The following NAV2 variants were observed in gnomAD, a reference collection of about 807,000 sequenced individuals.
The protein encoded by NAV2 is neuron navigator 2.
Under a neutral mutation model 223.2 loss-of-function variants are expected in NAV2, and 54 were observed. That is an observed-to-expected ratio of 0.24 (90% CI 0.19 to 0.30). NAV2 has a LOEUF of 0.30. Ranked by LOEUF, NAV2 falls within the 10% of genes least tolerant of loss-of-function variation. NAV2 has a pLI of 1.00. For synonymous variants in NAV2, 1,279 were observed against 1,239.3 expected (o/e 1.03, Z -0.67); for missense variants, 2,806 against 3,147.5 (o/e 0.89, Z 2.60).
intron 11 of NAV2, among the ~76,000 whole-genome samples, chr11:20,001,102 G>A (rs1023113526): frequency 2.0e-5 from 3 of 152,032 alleles, no homozygotes; most frequent in Admixed American, 6.6e-5. Flanking sequence ...CATCTAAGCC[G>A]GCTGCACCAA....
At chr11:20,102,143 C>T (rs1329736617) in intron 32 of NAV2, among the ~76,000 whole-genome samples, 1 of 152,120 alleles carries the variant, frequency 6.6e-6, no homozygotes, top group Non-Finnish European at 1.5e-5. Context: ...GGGAACTTCT[C>T]CTGGGACCAG....
chr11:19,841,115 G>A (rs2152938870), intron 2 of NAV2, among the ~76,000 whole-genome samples: 1 of 152,230 alleles, frequency 6.6e-6, no homozygotes, highest in South Asian at 2.1e-4. Flanking sequence ...TTGAGAAAAT[G>A]CAATTAGATC....
chr11:20,099,910 C>T (rs1484172973), intron 31 of NAV2, among the ~76,000 whole-genome samples: 11 of 152,136 alleles, frequency 7.2e-5, no homozygotes, highest in Admixed American at 3.3e-4. Context: ...GTGTACACTA[C>T]ATCAAGCTCA....
intron 1 of NAV2, among the ~76,000 whole-genome samples, chr11:19,716,273 A>G (rs186161043): frequency 1.3e-5 from 2 of 152,284 alleles, no homozygotes; most frequent in East Asian, 3.9e-4. Flanking sequence ...ATAGCTTTTA[A>G]AGTCAGATGG....
chr11:19,434,399 T>A (rs1851141170), intron 1 of NAV2, among the ~76,000 whole-genome samples: 1 of 152,158 alleles, frequency 6.6e-6, no homozygotes, highest in Non-Finnish European at 1.5e-5. Context: ...AATTCATATG[T>A]CAGAATGGCC....
At chr11:19,602,982 A>G (rs952760748) in intron 1 of NAV2, among the ~76,000 whole-genome samples, 10 of 152,124 alleles carry the variant, frequency 6.6e-5, no homozygotes, top group Admixed American at 2.0e-4. Flanking sequence ...AGGGCATTCT[A>G]AGTTGAGGGA....
chr11:19,384,873 T>C (rs1352210068), intron 1 of NAV2: 1 of 152,200 alleles, frequency 6.6e-6, no homozygotes, highest in African/African-American at 2.4e-5. Flanking sequence ...GTCTCCAACT[T>C]GTAAAAAATG....
intron 34 of NAV2, 144 bp from the exon 35 acceptor site, chr11:20,105,387 T>C: frequency 1.6e-6 from 1 of 632,676 alleles, no homozygotes. Flanking sequence ...AGTTACAATG[T>C]TTAGAAGAGT....
At chr11:19,416,429 C>T (rs981845751) in intron 1 of NAV2, among the ~76,000 whole-genome samples, 1 of 152,138 alleles carries the variant, frequency 6.6e-6, no homozygotes, top group Non-Finnish European at 1.5e-5. Flanking sequence ...CAAAGCACTG[C>T]TCAAGGAAAT....
chr11:19,836,649 G>A (rs192303096), intron 2 of NAV2, among the ~76,000 whole-genome samples: 360 of 151,984 alleles, frequency 2.4e-3, no homozygotes, highest in African/African-American at 8.3e-3. Flanking sequence ...TACTTCCTGT[G>A]ATGGGCAGCT....
chr11:19,471,776 C>T (rs577782788), intron 1 of NAV2, among the ~76,000 whole-genome samples: 93 of 152,274 alleles, frequency 6.1e-4, no homozygotes, highest in African/African-American at 2.0e-3. Context: ...AGTGGAGCTG[C>T]GGGCCCTACT....
intron 1 of NAV2, among the ~76,000 whole-genome samples, chr11:19,478,268 G>A (rs1564969519): frequency 6.6e-6 from 1 of 151,990 alleles, no homozygotes; most frequent in Non-Finnish European, 1.5e-5. Flanking sequence ...AATTGCACAA[G>A]CAAAGCTCTA....
At chr11:19,959,132 T>C (rs1049657649) in intron 10 of NAV2, among the ~76,000 whole-genome samples, 3 of 152,166 alleles carry the variant, frequency 2.0e-5, no homozygotes, top group Admixed American at 2.0e-4. Flanking sequence ...TTCCTAGCTT[T>C]CCCTCTTGCA....
At chr11:19,705,524 A>G (rs1335462151) in intron 1 of NAV2, among the ~76,000 whole-genome samples, 2 of 152,194 alleles carry the variant, frequency 1.3e-5, no homozygotes, top group Non-Finnish European at 2.9e-5. Flanking sequence ...CTGAATGAGG[A>G]GCAAGGGTGA....
At position 20,036,029 on chromosome 11, in the gene NAV2, A is replaced by G; in HGVS notation, c.2839A>G (p.Asn947Asp). The G allele has an allele frequency of 6.2e-7, 1 of 1,614,134 alleles. No individual in the cohort carries two copies. The highest frequency in any genetic ancestry group is 8.5e-7 in the Non-Finnish European group (1 of 1,180,008). The change falls in exon 12 of 38, where the codon AAC (asparagine) becomes GAC (aspartate). Residue 947 changes from asparagine (N) to aspartate (D), a missense_variant. By Grantham distance (23) the Asn-to-Asp change is conservative. Transcript: ENST00000349880. ...AGACAACCTCAGCACTGATGACATC[A>G]ACACCAGCTCCTCCATCAGCTCTTA... ...TIDNLSTDDINTSSSISSYAN... is the reference protein window; with the variant it reads ...TIDNLSTDDIDTSSSISSYAN...
chr11:19,725,200 TGG>T (rs2051136541), intron 1 of NAV2, among the ~76,000 whole-genome samples: 1 of 152,232 alleles, frequency 6.6e-6, no homozygotes, highest in Admixed American at 6.5e-5. Flanking sequence ...ACAGATGAGC[TGG>T]GGCAGGTAAA....
intron 1 of NAV2, among the ~76,000 whole-genome samples, chr11:19,578,830 T>TA (rs1269902275): frequency 6.6e-6 from 1 of 152,140 alleles, no homozygotes; most frequent in East Asian, 1.9e-4. Context: ...GCCTAAAATA[T>TA]CTACCCTCTG....
chr11:19,360,312 A>C (rs1018605106), intron 1 of NAV2, among the ~76,000 whole-genome samples: 2 of 152,196 alleles, frequency 1.3e-5, no homozygotes, highest in African/African-American at 4.8e-5. Flanking sequence ...CTGTTAGGTC[A>C]GTTTAGCAAG....
chr11:19,591,593 C>A (rs1215099693), intron 1 of NAV2, among the ~76,000 whole-genome samples: 1 of 152,126 alleles, frequency 6.6e-6, no homozygotes, highest in Non-Finnish European at 1.5e-5. Flanking sequence ...TAGATCCTGA[C>A]CATGCGGATG....
Sources: allele counts gnomAD v4.1 joint callset (sites outside exome capture counted in the v4.1 genomes callset), GRCh38; gene constraint gnomAD v4.1.1; transcripts MANE v1.5; gene names NCBI Gene and HGNC (gene_info 2026-07-23, HGNC 2026-07-21).